Variants in GAS2 observed in about 807,000 individuals in gnomAD.
The protein encoded by GAS2 is growth arrest-specific protein 2.
GAS2 carries 20 observed loss-of-function variants against 37.5 expected under a neutral mutation model. The ratio of observed to expected loss-of-function variants is 0.53; its 90% CI spans 0.37 to 0.77. The LOEUF is 0.77. GAS2 is among the 30% of genes least tolerant of loss of function. The probability of loss-of-function intolerance (pLI) is 0.00; values close to 1 mark genes in which losing one functional copy is unlikely to be tolerated. For synonymous variants in GAS2, 144 were observed against 132.2 expected (o/e 1.09, Z -0.61); for missense variants, 336 against 373.4 (o/e 0.90, Z 0.82).
At chr11:22,641,727 G>C (rs563994411) in intron 1 of GAS2, among the ~76,000 whole-genome samples, 12 of 152,180 alleles carry the variant, frequency 7.9e-5, no homozygotes, top group Admixed American at 5.2e-4. Flanking sequence ...CCAGGAGTTT[G>C]ACTGACACAG....
Position 22,685,722 on chromosome 11 carries a change from T to C in GAS2, c.200T>C (p.Leu67Pro), listed in dbSNP as rs1479270310. Residue 67 changes from leucine (L) to proline (P), a missense_variant, in exon 3 of 8, where the codon CTC (leucine) becomes CCC (proline). By Grantham distance (98) the Leu-to-Pro change is moderately conservative (BLOSUM62 -3). Transcript: ENST00000454584. ...GAGAAGTTGGACAATGGTGCCTTGC[T>C]CTGTCAACTTGCAGAAACTATGCAG... ...FMEKLDNGALLCQLAETMQEK... is the reference protein window; with the variant it reads ...FMEKLDNGALPCQLAETMQEK... 1.9e-6 allele frequency: 3 copies of C among 1,613,710 alleles called. No homozygotes were observed. Among genetic ancestry groups the C allele is most frequent in the Non-Finnish European group, 2.5e-6 (3 of 1,179,838 alleles).
intron 7 of GAS2, among the ~76,000 whole-genome samples, chr11:22,794,978 C>G (rs1338271726): frequency 6.6e-6 from 1 of 152,106 alleles, no homozygotes; most frequent in African/African-American, 2.4e-5. Flanking sequence ...GTAATTCATT[C>G]ATCCAACATA....
chr11:22,730,151 G>A (rs562078337), intron 4 of GAS2, among the ~76,000 whole-genome samples: 21 of 151,812 alleles, frequency 1.4e-4, no homozygotes, highest in Non-Finnish European at 2.5e-4. Flanking sequence ...GAGGTCACCC[G>A]TTTGTATCTA....
chr11:22,779,069 T>C (rs1855415678), intron 7 of GAS2, among the ~76,000 whole-genome samples: 1 of 151,496 alleles, frequency 6.6e-6, no homozygotes, highest in East Asian at 1.9e-4. Flanking sequence ...CTCTTCAGTG[T>C]TTTTCTTTTT....
intron 1 of GAS2, among the ~76,000 whole-genome samples, chr11:22,672,357 T>C (rs1440608728): frequency 6.6e-6 from 1 of 152,188 alleles, no homozygotes; most frequent in Non-Finnish European, 1.5e-5. Flanking sequence ...GAAATAAATG[T>C]GCCACTGTCA....
chr11:22,765,515 C>T (rs1220271396), intron 7 of GAS2, among the ~76,000 whole-genome samples: 1 of 152,192 alleles, frequency 6.6e-6, no homozygotes, highest in Non-Finnish European at 1.5e-5. Context: ...GGCAGTGGCT[C>T]ATGCCTGTAA....
intron 7 of GAS2, among the ~76,000 whole-genome samples, chr11:22,769,704 T>G (rs17306216): frequency 0.14 from 21,465 of 152,264 alleles, 1,665 homozygotes; most frequent in Non-Finnish European, 0.17. Context: ...TGATTCCTAT[T>G]GAAAGCCTTT....
chr11:22,698,367 G>T (rs337465), intron 3 of GAS2, among the ~76,000 whole-genome samples: 448 of 152,098 alleles, frequency 2.9e-3, no homozygotes, highest in African/African-American at 0.01. Flanking sequence ...TGAAATTGTG[G>T]CAATAATCAA....
intron 3 of GAS2, among the ~76,000 whole-genome samples, chr11:22,695,045 T>C (rs1342744493): frequency 6.6e-6 from 1 of 152,020 alleles, no homozygotes; most frequent in African/African-American, 2.4e-5. Flanking sequence ...TTCGGCTGGG[T>C]GCGGTGGCTC....
intron 1 of GAS2, among the ~76,000 whole-genome samples, chr11:22,656,211 G>T (rs1848852777): frequency 6.6e-6 from 1 of 152,006 alleles, no homozygotes; most frequent in Non-Finnish European, 1.5e-5. Context: ...TATATTTTGG[G>T]GGTTTAAACT....
intron 4 of GAS2, among the ~76,000 whole-genome samples, chr11:22,728,103 T>A (rs1314008406): frequency 6.6e-6 from 1 of 152,010 alleles, no homozygotes; most frequent in Non-Finnish European, 1.5e-5. Flanking sequence ...CATTGTACAA[T>A]TTTTCATTAA....
At chr11:22,666,262 A>G (rs1344906728), upstream of GAS2, among the ~76,000 whole-genome samples, 4 of 152,260 alleles carry the variant, frequency 2.6e-5, no homozygotes, top group Admixed American at 1.3e-4. Context: ...TCTGATATTT[A>G]AAGAGAATTG....
At chr11:22,690,912 A>C (rs1466962187) in intron 3 of GAS2, among the ~76,000 whole-genome samples, 2 of 152,110 alleles carry the variant, frequency 1.3e-5, no homozygotes, top group Non-Finnish European at 2.9e-5. Context: ...TGATTTGTGC[A>C]AAAGACTCTC....
At chr11:22,778,050 G>A (rs1005065335) in intron 7 of GAS2, among the ~76,000 whole-genome samples, 3 of 151,962 alleles carry the variant, frequency 2.0e-5, no homozygotes, top group African/African-American at 4.8e-5. Flanking sequence ...AGAGGGAAGA[G>A]GCGAAGAAGA....
chr11:22,788,130 G>T (rs1231195398), intron 7 of GAS2, among the ~76,000 whole-genome samples: 1 of 152,098 alleles, frequency 6.6e-6, no homozygotes, highest in African/African-American at 2.4e-5. Flanking sequence ...TATTTGCACT[G>T]TTATTATGTT....
chr11:22,675,053 A>G, intron 2 of GAS2, 39 bp downstream of exon 2: 2 of 1,601,392 alleles, frequency 1.2e-6, no homozygotes, highest in Non-Finnish European at 1.7e-6. Flanking sequence ...CAAAGACAAC[A>G]GTTTTTGTTT....
intron 4 of GAS2, among the ~76,000 whole-genome samples, chr11:22,727,443 C>G (rs1852270242): frequency 6.6e-6 from 1 of 151,988 alleles, no homozygotes; most frequent in Non-Finnish European, 1.5e-5. Context: ...CATGCGTAAC[C>G]TAGGAAATTT....
At chr11:22,693,476 T>A (rs954898458) in intron 3 of GAS2, among the ~76,000 whole-genome samples, 1 of 152,234 alleles carries the variant, frequency 6.6e-6, no homozygotes, top group East Asian at 1.9e-4. Context: ...TTTTATTTTT[T>A]GCAATGTTCA....
intron 1 of GAS2, among the ~76,000 whole-genome samples, chr11:22,643,145 T>C (rs1298104844): frequency 6.6e-6 from 1 of 152,088 alleles, no homozygotes; most frequent in Non-Finnish European, 1.5e-5. Flanking sequence ...TTGGGTTGGC[T>C]GGTTTTATTA....
Sources: gnomAD v4.1 joint callset for allele counts (sites outside exome capture counted in the v4.1 genomes callset) on GRCh38, gnomAD v4.1.1 for gene constraint, MANE v1.5 for transcripts, NCBI Gene and HGNC (gene_info 2026-07-23, HGNC 2026-07-21) for gene names.